Variants in EPG5 observed in about 807,000 individuals in gnomAD.
The protein encoded by EPG5 is ectopic P-granules 5 autophagy tethering factor.
Under a neutral mutation model 302.7 loss-of-function variants are expected in EPG5, and 159 were observed. The ratio of observed to expected loss-of-function variants is 0.53; its 90% CI spans 0.46 to 0.60. The LOEUF (loss-of-function observed/expected upper bound fraction) is 0.60. EPG5 is among the 20% of genes least tolerant of loss of function. The pLI, the probability that EPG5 is intolerant of heterozygous loss-of-function variation, is 0.00. For missense variants in EPG5, 2,896 were observed against 3,092.4 expected, an observed-to-expected ratio of 0.94 and a Z score of 1.51; for synonymous variants, 1,158 against 1,136.8, an observed-to-expected ratio of 1.02 and a Z score of -0.37.
At chr18:45,911,539 G>T (rs996967536) in intron 22 of EPG5, among the ~76,000 whole-genome samples, 3 of 151,792 alleles carry the variant, frequency 2.0e-5, no homozygotes, top group African/African-American at 4.8e-5. Context: ...TGATCCACCC[G>T]CCTCGGCCTC....
the EPG5 span, among the ~76,000 whole-genome samples, chr18:45,812,206 A>G: frequency 6.6e-6 from 1 of 152,224 alleles, no homozygotes; most frequent in Admixed American, 6.5e-5. Context: ...AATCCAACTT[A>G]TAAGGGATAT....
intron 8 of EPG5, among the ~76,000 whole-genome samples, chr18:45,943,629 A>G (rs1193650930): frequency 6.6e-6 from 1 of 152,154 alleles, no homozygotes. Flanking sequence ...CTACACAAGA[A>G]GTAAGACTCG....
At position 45,889,354 on chromosome 18, in the gene EPG5, T is replaced by G. The variant is rs188513072; in HGVS notation, c.4952+444A>C. On this transcript the variant is annotated intron_variant, in intron 28 of 43. Transcript: ENST00000282041. Reference sequence around the variant, plus strand: ...CTAATTCCCCTAAATAATTGTGCTATGAACTTTGTTCAGTCATCTGAGTTG... The same window carrying G: ...CTAATTCCCCTAAATAATTGTGCTAGGAACTTTGTTCAGTCATCTGAGTTG... Among the ~76,000 whole-genome samples the G allele has an allele frequency of 2.3e-3, 348 of 152,372 alleles. 2 individuals carry two copies. The highest frequency in any genetic ancestry group is 6.1e-3 in the African/African-American group (252 of 41,588).
chr18:45,854,041 C>T lies in EPG5; in HGVS notation c.7558-1392G>A, dbSNP rs1322435593. 2.6e-5 allele frequency among the ~76,000 whole-genome samples: 4 copies of T among 152,334 alleles called. No individual in the cohort carries two copies. In the East Asian group the frequency reaches 7.7e-4, roughly 29 times the overall value. ...AGAAATGAAGGCAAAGAGGCCAGGC[C>T]TGGGCAGCCCAGGGCCCCAGCTAAA... On this transcript the variant is annotated intron_variant, in intron 43 of 43. Transcript: ENST00000282041.
At chr18:45,802,331 G>A in the EPG5 span, among the ~76,000 whole-genome samples, 1 of 152,100 alleles carries the variant, frequency 6.6e-6, no homozygotes, top group African/African-American at 2.4e-5. Flanking sequence ...GACCAGCCTG[G>A]CCAACATGGC....
At chr18:45,907,336 T>A (rs2049778274) in intron 24 of EPG5, 1 of 152,172 alleles carries the variant, frequency 6.6e-6, no homozygotes. Flanking sequence ...TTCCCCACTT[T>A]TTCCCTGTCC....
At chr18:45,802,800 G>A in the EPG5 span, among the ~76,000 whole-genome samples, 1 of 152,226 alleles carries the variant, frequency 6.6e-6, no homozygotes. Context: ...AAAGTGAACA[G>A]AAAATGTCTT....
At chr18:45,942,825 C>T (rs1196394688) in intron 9 of EPG5, among the ~76,000 whole-genome samples, 1 of 152,074 alleles carries the variant, frequency 6.6e-6, no homozygotes, top group Non-Finnish European at 1.5e-5. Flanking sequence ...AGTACATATT[C>T]TCTAAATTTA....
chr18:45,876,062 G>T, intron 35 of EPG5, among the ~76,000 whole-genome samples, 174 bp downstream of exon 35: 1 of 91,744 alleles, frequency 1.1e-5, no homozygotes, highest in East Asian at 3.1e-4. Flanking sequence ...ATCTCCAAAA[G>T]AAAAAAAAAA....
intron 27 of EPG5, among the ~76,000 whole-genome samples, chr18:45,895,437 C>G (rs62095408): frequency 0.49 from 71,106 of 144,658 alleles, 17,720 homozygotes; most frequent in East Asian, 0.63. Context: ...GAGTTATACA[C>G]TCTCCAGAAA....
chr18:45,953,903 C>T, intron 2 of EPG5: 1 of 985,268 alleles, frequency 1.0e-6, no homozygotes, highest in African/African-American at 1.7e-5. Flanking sequence ...TCAACCTTGA[C>T]ACTCTCTTCC....
At chr18:45,842,240 G>C in the EPG5 span, 4 of 1,596,758 alleles carry the variant, frequency 2.5e-6, no homozygotes, top group Non-Finnish European at 2.6e-6. Flanking sequence ...ACAAAGGCCA[G>C]TGCGAGGCTT....
At chr18:45,806,056 G>A in the EPG5 span, among the ~76,000 whole-genome samples, 1 of 152,122 alleles carries the variant, frequency 6.6e-6, no homozygotes, top group South Asian at 2.1e-4. Flanking sequence ...TTGGTATAAA[G>A]ATTAAACAAG....
At chr18:45,944,325 A>G (rs369969336) in intron 7 of EPG5, among the ~76,000 whole-genome samples, 1 of 152,278 alleles carries the variant, frequency 6.6e-6, no homozygotes, top group African/African-American at 2.4e-5. Context: ...TCCAAGCACA[A>G]TTTTATATGT....
At chr18:45,932,950 G>A (rs1166526745) in intron 11 of EPG5, among the ~76,000 whole-genome samples, 4 of 151,728 alleles carry the variant, frequency 2.6e-5, no homozygotes, top group South Asian at 2.1e-4. Flanking sequence ...GTTTGACATC[G>A]GCTCCATCTG....
At chr18:45,842,572 C>A in the EPG5 span, 1 of 202,232 alleles carries the variant, frequency 4.9e-6, no homozygotes, top group South Asian at 1.1e-4. Flanking sequence ...GGCCTGGAGG[C>A]CCAGTCTTGT....
chr18:45,829,041 G>A, the EPG5 span: 5 of 966,434 alleles, frequency 5.2e-6, no homozygotes, highest in Non-Finnish European at 6.2e-6. Flanking sequence ...AGTGAAGGGA[G>A]CAGGGATCAC....
intron 14 of EPG5, among the ~76,000 whole-genome samples, chr18:45,923,599 C>A (rs940568960): frequency 6.6e-6 from 1 of 152,190 alleles, no homozygotes; most frequent in Admixed American, 6.5e-5. Flanking sequence ...TAGGTTTGAA[C>A]CTGACTTAAC....
chr18:45,918,243 G>A (rs914036168), intron 16 of EPG5, among the ~76,000 whole-genome samples: 2 of 152,200 alleles, frequency 1.3e-5, no homozygotes, highest in African/African-American at 4.8e-5. Flanking sequence ...ACCTCAATCT[G>A]TCAGTACAGG....
Sources: gnomAD v4.1 joint callset for allele counts (sites outside exome capture counted in the v4.1 genomes callset) on GRCh38, gnomAD v4.1.1 for gene constraint, MANE v1.5 for transcripts, NCBI Gene and HGNC (gene_info 2026-07-23, HGNC 2026-07-21) for gene names.